The following PDSS1 variants were observed in gnomAD, a reference collection of about 807,000 sequenced individuals.
PDSS1 encodes decaprenyl diphosphate synthase subunit 1.
In PDSS1, 43 loss-of-function variants were observed where a neutral mutation model predicts 57.5. That is an observed-to-expected ratio of 0.75 (90% CI 0.59 to 0.96). The LOEUF is 0.96. Among genes scored for constraint, PDSS1 ranks in the 50% least tolerant of loss-of-function variants. PDSS1 has a pLI of 0.00. For synonymous variants in PDSS1, 175 were observed against 191.3 expected, an observed-to-expected ratio of 0.91 and a Z score of 0.70; for missense variants, 438 against 527.8, an observed-to-expected ratio of 0.83 and a Z score of 1.67.
chr10:26,733,617 C>T (rs1332941511), intron 8 of PDSS1, among the ~76,000 whole-genome samples: 2 of 152,124 alleles, frequency 1.3e-5, no homozygotes, highest in Non-Finnish European at 2.9e-5. Context: ...GGCAGAGGTG[C>T]GTGGACACTG....
At position 26,746,749 on chromosome 10, in the gene PDSS1, T is replaced by G; in HGVS notation, c.*276T>G. 2.2e-6 allele frequency: 1 copy of G among 456,730 alleles called. No homozygotes were observed. 28.3% of individuals were successfully genotyped at this position (456,730 alleles called of 1,614,324 possible). A position where few individuals can be genotyped will look rare whatever the true frequency, so the allele number is the denominator to read the frequency against. ...TGTGGTATTGTTTACACTGTTAATA[T>G]CCACATGTAAGGCCATTACACAAAT... is the stretch of plus-strand genomic sequence containing the variant. On this transcript the variant is annotated 3_prime_UTR_variant, in exon 12 of 12. Transcript: ENST00000376215.
intron 6 of PDSS1, among the ~76,000 whole-genome samples, chr10:26,722,363 T>G (rs984458825): frequency 1.3e-5 from 2 of 152,220 alleles, no homozygotes; most frequent in Admixed American, 1.3e-4. Flanking sequence ...TAAATAGTTA[T>G]GTTAAAAATT....
intron 8 of PDSS1, among the ~76,000 whole-genome samples, chr10:26,733,593 A>C (rs547386036): frequency 4.6e-5 from 7 of 152,178 alleles, no homozygotes; most frequent in African/African-American, 1.4e-4. Flanking sequence ...ACGTTAGGCA[A>C]CCTGGCTTTA....
intron 11 of PDSS1, among the ~76,000 whole-genome samples, chr10:26,745,522 T>TAA (rs1554799585): frequency 6.6e-6 from 1 of 151,948 alleles, no homozygotes; most frequent in African/African-American, 2.4e-5. Context: ...AACAAAAAGG[T>TAA]AACAGGTAAT....
Position 26,723,886 on chromosome 10 carries a change from T to C in PDSS1, c.690T>C (p.Ile230=), listed in dbSNP as rs1407247375. The change falls in exon 7 of 12, where the codon ATT becomes ATC. Residue 230 remains isoleucine, a synonymous_variant. Transcript: ENST00000376215. The part of the protein sequence containing the change: ...ARIGNTTVIS[I]LTQVIEDLVR... ...TTGGAAATACAACTGTTATATCTAT[T>C]TTAACCCAAGTTATTGAAGATTTGG... The C allele has an allele frequency of 6.2e-7, 1 of 1,612,612 alleles. No homozygotes were observed. The highest frequency in any genetic ancestry group is 8.5e-7 in the Non-Finnish European group (1 of 1,178,576).
intron 4 of PDSS1, 84 bp downstream of exon 4, chr10:26,705,478 T>A (rs535875753): frequency 8.8e-6 from 5 of 566,434 alleles, no homozygotes; most frequent in South Asian, 4.8e-5. Context: ...TTCTTATAAT[T>A]ATTATTATTT....
In PDSS1 at chr10:26,721,706, G is replaced by A. The variant is rs917554546; in HGVS notation, c.609+1347G>A. On this transcript the variant is annotated intron_variant, in intron 6 of 11. Coordinates refer to ENST00000376215, the MANE Select transcript of PDSS1 (RefSeq NM_014317.5). Reference sequence around the variant, plus strand: ...TCAGCTGTATCTGTTTTCAGGCATAGCCAGTCCTAAAGCCTTATGTGGAGC... The same window carrying A: ...TCAGCTGTATCTGTTTTCAGGCATAACCAGTCCTAAAGCCTTATGTGGAGC... Among the ~76,000 whole-genome samples the A allele has an allele frequency of 2.0e-5, 3 of 152,326 alleles. No homozygotes were observed. In the East Asian group the frequency reaches 5.8e-4, roughly 29 times the overall value.
At chr10:26,724,819 C>T (rs1835901613) in intron 8 of PDSS1, among the ~76,000 whole-genome samples, 1 of 152,166 alleles carries the variant, frequency 6.6e-6, no homozygotes, top group African/African-American at 2.4e-5. Context: ...CTCAAGTGAT[C>T]CACCCACCTT....
At chr10:26,709,822 C>T (rs1325428902) in intron 5 of PDSS1, 54 bp downstream of exon 5, 1 of 1,568,356 alleles carries the variant, frequency 6.4e-7, no homozygotes, top group Non-Finnish European at 8.8e-7. Context: ...AGTCTTTCTT[C>T]CCGGGGTTAC....
At chr10:26,736,190 A>G (rs138177812) in intron 10 of PDSS1, among the ~76,000 whole-genome samples, 99 of 152,350 alleles carry the variant, frequency 6.5e-4, no homozygotes, top group Admixed American at 2.3e-3. Flanking sequence ...TGAAAGGCTT[A>G]GGAAGCTTCA....
chr10:26,734,753 G>A (rs1836332305), intron 8 of PDSS1: 1 of 456,340 alleles, frequency 2.2e-6, no homozygotes, highest in South Asian at 1.5e-5. Flanking sequence ...TGAAAAGAAA[G>A]GACTACAGAT....
Position 26,735,486 on chromosome 10 carries a change from C to G in PDSS1, c.933C>G (p.Asp311Glu). 6.2e-7 allele frequency: 1 copy of G among 1,612,680 alleles called. No homozygotes were observed. The highest frequency in any genetic ancestry group is 8.5e-7 in the Non-Finnish European group (1 of 1,178,672). Residue 311 changes from aspartate (D) to glutamate (E), a missense_variant, in exon 10 of 12, where the codon GAC (aspartate) becomes GAG (glutamate). Asp to Glu is a conservative substitution (Grantham distance 45, BLOSUM62 2). Around this residue, in one of 2 missense-constraint regions of PDSS1, gnomAD observed 284 missense variants for 390.7 expected, o/e 0.73. Transcript: ENST00000376215. ...GCCAGCTAATAGATGATGTATTGGA[C>G]TTCACCTCGTGTTCTGACCAGATGG... ...IAFQLIDDVL[D>E]FTSCSDQMGK...
At position 26,705,327 on chromosome 10, in the gene PDSS1, A is replaced by G; in HGVS notation, c.269A>G (p.Glu90Gly). 6.2e-7 allele frequency: 1 copy of G among 1,612,680 alleles called. No individual in the cohort carries two copies. The highest frequency in any genetic ancestry group is 8.5e-7 in the Non-Finnish European group (1 of 1,178,890). The change falls in exon 4 of 12, where the codon GAA becomes GGA. Residue 90 changes from glutamate to glycine, a missense_variant. Physicochemically the swap from Glu to Gly is moderately conservative, Grantham distance 98. Coordinates refer to ENST00000376215, the MANE Select transcript of PDSS1 (RefSeq NM_014317.5). ...TTPDSKTHSGEKYTDPFKLGW... is the reference protein window; with the variant it reads ...TTPDSKTHSGGKYTDPFKLGW... ...CCAGACAGTAAAACACACAGTGGTG[A>G]AAAATACACCGATCCTTTCAAACTC... is the stretch of plus-strand genomic sequence containing the variant.
rs1440432549 is a variant in PDSS1, at chr10:26,712,068, C to G, written c.467+2300C>G. Among the ~76,000 whole-genome samples, 2 of 85,146 alleles carry G rather than the reference C, an allele frequency of 2.3e-5. 1 individual carries two copies. Among genetic ancestry groups the G allele is most frequent in the African/African-American group, 7.7e-5 (2 of 25,852 alleles). The allele number at this position is 85,146 out of a possible 152,430, so 55.9% of individuals were successfully genotyped here. On this transcript the variant is annotated intron_variant, in intron 5 of 11. Transcript: ENST00000376215. ...CCAGGCTGGAGTGCAATGGCACAAT[C>G]CCAGCTCACTGCAACTTCCACCTCC...
chr10:26,722,486 C>G (rs893472778), intron 6 of PDSS1, among the ~76,000 whole-genome samples: 1 of 152,134 alleles, frequency 6.6e-6, no homozygotes, highest in Non-Finnish European at 1.5e-5. Flanking sequence ...AGTTGGATCA[C>G]TTGGGGCCAG....
intron 4 of PDSS1, among the ~76,000 whole-genome samples, chr10:26,707,465 C>G (rs1246333349): frequency 1.3e-5 from 2 of 152,132 alleles, no homozygotes; most frequent in Non-Finnish European, 2.9e-5. Context: ...CCCTCTCCTG[C>G]CCTGCTCATG....
intron 5 of PDSS1, among the ~76,000 whole-genome samples, chr10:26,717,246 T>TTTTTTTTTTTTTTTTGAGA (rs1835615103): frequency 6.6e-6 from 1 of 152,216 alleles, no homozygotes; most frequent in African/African-American, 2.4e-5. Flanking sequence ...ATTTATTTAT[T>TTTTTTTTTTTTTTTTGAGA]CGGAGACAGA....
In PDSS1 at chr10:26,705,339, ATCCTTTCAAACTCG is replaced by A; in HGVS notation, c.282_295del (p.Asp94GlufsTer10). The A allele has an allele frequency of 6.2e-7, 1 of 1,613,300 alleles. No individual in the cohort carries two copies. Among genetic ancestry groups the A allele is most frequent in the South Asian group, 1.1e-5 (1 of 91,060 alleles). ...ACACACAGTGGTGAAAAATACACCG[ATCCTTTCAAACTCG>A]GTTGGAGAGACTTGAAAGGTCTGTA... On this transcript the variant is annotated frameshift_variant, in exon 4 of 12. Transcript: ENST00000376215. LOFTEE classifies it high-confidence loss of function.
At chr10:26,742,306 G>A (rs868425645) in intron 10 of PDSS1, among the ~76,000 whole-genome samples, 191 bp from the exon 11 acceptor site, 1 of 152,378 alleles carries the variant, frequency 6.6e-6, no homozygotes, top group Middle Eastern at 3.4e-3. Context: ...CAGTGCCTAG[G>A]CATAGACGGT....
Sources: gnomAD v4.1 joint callset for allele counts (sites outside exome capture counted in the v4.1 genomes callset) on GRCh38, gnomAD v4.1.1 for gene constraint, gnomAD v4.1.1 regional missense constraint, MANE v1.5 for transcripts, NCBI Gene and HGNC (gene_info 2026-07-23, HGNC 2026-07-21) for gene names.